GPC6: variants seen among roughly 807,000 people sequenced by gnomAD.
GPC6 encodes the protein glypican-6.
In GPC6, 14 loss-of-function variants were observed where a neutral mutation model predicts 55.2. The ratio of observed to expected loss-of-function variants is 0.25; its 90% CI spans 0.17 to 0.40. The LOEUF (loss-of-function observed/expected upper bound fraction) is 0.40, where lower values mean the gene tolerates loss of function less well. GPC6 is among the 10% of genes least tolerant of loss of function. The probability of loss-of-function intolerance (pLI) is 1.00; values close to 1 mark genes in which losing one functional copy is unlikely to be tolerated. For missense variants in GPC6, 641 were observed against 708.5 expected, an observed-to-expected ratio of 0.90 and a Z score of 1.08; for synonymous variants, 278 against 259.6, an observed-to-expected ratio of 1.07 and a Z score of -0.68.
Position 94,050,489 on chromosome 13 carries a change from C to T in GPC6, c.877+22595C>T, listed in dbSNP as rs898285982. ...AATCTTCCAATGTCCTTCCAATTGA[C>T]ATCCTAGAAGGCTTCCAATTGTTCC... On this transcript the variant is annotated intron_variant, in intron 4 of 8. Coordinates refer to ENST00000377047, the MANE Select transcript of GPC6 (RefSeq NM_005708.5). Among the ~76,000 whole-genome samples the T allele has an allele frequency of 3.3e-5, 5 of 152,192 alleles. 1 individual carries two copies. The highest frequency in any genetic ancestry group is 1.2e-4 in the African/African-American group (5 of 41,448).
chr13:93,495,122 C>T lies in GPC6; in HGVS notation c.161-50141C>T, dbSNP rs1283457344. Among the ~76,000 whole-genome samples, 2 of 109,182 alleles carry T rather than the reference C, an allele frequency of 1.8e-5. 1 individual carries two copies. Among genetic ancestry groups the T allele is most frequent in the Non-Finnish European group, 3.9e-5 (2 of 51,588 alleles). 71.6% of individuals were successfully genotyped at this position (109,182 alleles called of 152,430 possible). ...TGGATAATATCCTGCAGAGTGTTTT[C>T]CAACTTGGTTCCATTCTCCGCATCA... On this transcript the variant is annotated intron_variant, in intron 1 of 8. Transcript: ENST00000377047.
intron 3 of GPC6, among the ~76,000 whole-genome samples, chr13:93,994,862 G>A (rs539575178): frequency 5.9e-5 from 9 of 152,068 alleles, no homozygotes; most frequent in East Asian, 3.9e-4. Context: ...AACATATACC[G>A]TGAGTCAGTT....
Position 93,414,952 on chromosome 13 carries a change from AG to A in GPC6, c.161-130310del, listed in dbSNP as rs546903990. On this transcript the variant is annotated intron_variant, in intron 1 of 8. Coordinates refer to ENST00000377047, the MANE Select transcript of GPC6 (RefSeq NM_005708.5). ...TTGAAGTAGAAAATTTAAATGTTTT[AG>A]CAAGAAAACAAAAACAAAAACCACC... Among the ~76,000 whole-genome samples the A allele has an allele frequency of 4.1e-4, 63 of 152,332 alleles. No individual in the cohort carries two copies. In the South Asian group the frequency reaches 0.012, roughly 29 times the overall value.
chr13:94,020,571 G>A (rs2138711436), intron 3 of GPC6, among the ~76,000 whole-genome samples: 1 of 152,174 alleles, frequency 6.6e-6, no homozygotes, highest in East Asian at 1.9e-4. Flanking sequence ...TGCCATTTGT[G>A]TGACATCACT....
At chr13:93,847,233 GCT>G (rs1309702287) in intron 3 of GPC6, among the ~76,000 whole-genome samples, 1 of 152,084 alleles carries the variant, frequency 6.6e-6, no homozygotes, top group Non-Finnish European at 1.5e-5. Context: ...TTTTCAGTCG[GCT>G]CTGGGGAAGT....
At chr13:94,012,024 C>T (rs1485630414) in intron 3 of GPC6, among the ~76,000 whole-genome samples, 1 of 152,010 alleles carries the variant, frequency 6.6e-6, no homozygotes, top group Non-Finnish European at 1.5e-5. Flanking sequence ...CTTTTTTTCT[C>T]CTTTCAAAGA....
At chr13:93,219,079 C>T in the GPC6 span, among the ~76,000 whole-genome samples, 1 of 146,958 alleles carries the variant, frequency 6.8e-6, no homozygotes, top group Non-Finnish European at 1.5e-5. Flanking sequence ...CCTACCCTGT[C>T]TTTCTTTCCT....
At chr13:94,363,732 T>C (rs1032595635) in intron 6 of GPC6, among the ~76,000 whole-genome samples, 4 of 152,262 alleles carry the variant, frequency 2.6e-5, no homozygotes, top group South Asian at 2.1e-4. Flanking sequence ...GGATGTGCTG[T>C]AGACAGAACT....
In GPC6 at chr13:93,620,921, A is replaced by C. The variant is rs1343232978; in HGVS notation, c.319+75500A>C. Among the ~76,000 whole-genome samples, 7 of 152,076 alleles carry C rather than the reference A, an allele frequency of 4.6e-5. No individual in the cohort carries two copies. The South Asian group carries it at 1.2e-3, about 27-fold the overall frequency. ...ATGAGTTAGTATTGTTTTTCATCTCATTGGGCTGCACTTTTTTGTGATATC... is the reference window on the plus strand; with the variant it reads ...ATGAGTTAGTATTGTTTTTCATCTCCTTGGGCTGCACTTTTTTGTGATATC... On this transcript the variant is annotated intron_variant, in intron 2 of 8. Transcript: ENST00000377047.
chr13:94,170,928 G>A (rs779316505), intron 4 of GPC6, among the ~76,000 whole-genome samples: 10 of 152,180 alleles, frequency 6.6e-5, no homozygotes, highest in Non-Finnish European at 1.0e-4. Flanking sequence ...TGTCCAGAGT[G>A]CGAGGAAATA....
chr13:93,455,126 C>G (rs1365524226), intron 1 of GPC6, among the ~76,000 whole-genome samples: 1 of 152,302 alleles, frequency 6.6e-6, no homozygotes, highest in Non-Finnish European at 1.5e-5. Context: ...CCAGCTGGCC[C>G]GCAAGCGGCG....
rs34583361 is a variant in GPC6 at position 94,196,185 on chromosome 13, G to GT, written c.878-90150dup. On this transcript the variant is annotated intron_variant, in intron 4 of 8. Transcript: ENST00000377047. The stretch of plus-strand genomic sequence containing the variant: ...ACAATTAACTTGAATAACCTTTTCA[G>GT]TTTTTTTTTTTTTTCTTAATTAGGG... 6.5e-3 allele frequency among the ~76,000 whole-genome samples: 918 copies of GT among 141,578 alleles called. 1 individual carries two copies. The highest frequency in any genetic ancestry group is 8.4e-3 in the African/African-American group (327 of 38,870). The allele number at this position is 141,578 out of a possible 152,430, so 92.9% of individuals were successfully genotyped here. A position where few individuals can be genotyped will look rare whatever the true frequency, so the allele number is the denominator to read the frequency against.
intron 1 of GPC6, among the ~76,000 whole-genome samples, chr13:93,454,330 C>G (rs988491460): frequency 7.7e-6 from 1 of 130,396 alleles, no homozygotes; most frequent in African/African-American, 2.7e-5. Context: ...AAATGTTCTC[C>G]AAGGCCCCAC....
Position 94,301,358 on chromosome 13 carries a change from T to C in GPC6, c.1009-4622T>C, listed in dbSNP as rs1291908847. On this transcript the variant is annotated intron_variant, in intron 5 of 8. Coordinates refer to ENST00000377047, the MANE Select transcript of GPC6 (RefSeq NM_005708.5). Reference sequence around the variant, plus strand: ...GCTGCAGGGTGTTGTGTTTGTGCCATTGCACTCCAGTCTGGGCAACGGAGT... The same window carrying C: ...GCTGCAGGGTGTTGTGTTTGTGCCACTGCACTCCAGTCTGGGCAACGGAGT... 2.0e-5 allele frequency among the ~76,000 whole-genome samples: 3 copies of C among 151,964 alleles called. No individual in the cohort carries two copies. In the South Asian group the frequency reaches 6.2e-4, roughly 32 times the overall value.
intron 2 of GPC6, among the ~76,000 whole-genome samples, chr13:93,709,207 T>G (rs1451312719): frequency 1.3e-5 from 2 of 151,800 alleles, no homozygotes; most frequent in Admixed American, 6.6e-5. Flanking sequence ...TAGCCTGCCT[T>G]TCTTCCAACC....
intron 3 of GPC6, among the ~76,000 whole-genome samples, chr13:93,924,785 G>C (rs142336211): frequency 8.3e-4 from 122 of 147,714 alleles, no homozygotes; most frequent in African/African-American, 2.9e-3. Flanking sequence ...CTCAGATCTT[G>C]AGTCACATTA....
intron 2 of GPC6, among the ~76,000 whole-genome samples, chr13:93,789,527 A>G (rs1179328563): frequency 7.2e-6 from 1 of 138,934 alleles, no homozygotes; most frequent in African/African-American, 2.7e-5. Context: ...ATATATATAT[A>G]TATATATAGT....
chr13:93,262,248 A>G (rs1379182974), intron 1 of GPC6, among the ~76,000 whole-genome samples: 1 of 152,200 alleles, frequency 6.6e-6, no homozygotes, highest in Admixed American at 6.5e-5. Context: ...TATTTTGGAA[A>G]TAATGGCTTC....
intron 3 of GPC6, among the ~76,000 whole-genome samples, chr13:93,964,043 T>C (rs888771213): frequency 6.6e-6 from 1 of 152,126 alleles, no homozygotes. Context: ...TTTCTTTTCC[T>C]CCACCTCCCC....
Sources: allele counts gnomAD v4.1 joint callset (sites outside exome capture counted in the v4.1 genomes callset), GRCh38; gene constraint gnomAD v4.1.1; transcripts MANE v1.5; gene names NCBI Gene and HGNC (gene_info 2026-07-23, HGNC 2026-07-21).